The following ITGB7 variants were observed in gnomAD, a reference collection of about 807,000 sequenced individuals.
ITGB7 encodes integrin beta-7.
Under a neutral mutation model 83.4 loss-of-function variants are expected in ITGB7, and 55 were observed. The observed-to-expected ratio is 0.66, with a 90% CI of 0.53 to 0.83. The LOEUF (loss-of-function observed/expected upper bound fraction) is 0.83, where lower values mean the gene tolerates loss of function less well. Ranked by LOEUF, ITGB7 falls within the 40% of genes least tolerant of loss-of-function variation. The pLI is 0.00. For missense variants in ITGB7, 921 were observed against 1,046.7 expected, an observed-to-expected ratio of 0.88 and a Z score of 1.66; for synonymous variants, 454 against 423.6, an observed-to-expected ratio of 1.07 and a Z score of -0.88.
At position 53,192,340 on chromosome 12, in the gene ITGB7, T is replaced by A. The variant is rs954588399; in HGVS notation, c.2145A>T (p.Arg715Ser). The change falls in exon 14 of 16, where the codon AGA (arginine) becomes AGT (serine). Residue 715 changes from arginine to serine, a missense_variant. Transcript: ENST00000267082. ...TCCCTGCCCACTTACTTTCTTGGGG[T>A]CTCACTCTGAGCACGACCGTGCCTC... is the stretch of plus-strand genomic sequence containing the variant. ...DARGTVVLRV[R>S]PQEKGADHTQ... The A allele has an allele frequency of 3.7e-6, 6 of 1,613,642 alleles. No homozygotes were observed. The African/African-American group carries it at 5.3e-5, about 14-fold the overall frequency.
intron 1 of ITGB7, among the ~76,000 whole-genome samples, chr12:53,203,746 A>G (rs1357651563): frequency 6.6e-6 from 1 of 152,134 alleles, no homozygotes; most frequent in Non-Finnish European, 1.5e-5. Flanking sequence ...ATGACTATCA[A>G]AAAATGAAAA....
At chr12:53,198,550 G>T (rs1942244351) in intron 3 of ITGB7, among the ~76,000 whole-genome samples, 1 of 151,872 alleles carries the variant, frequency 6.6e-6, no homozygotes, top group Non-Finnish European at 1.5e-5. Context: ...ACCGCCACCG[G>T]TGGAACTCTG....
intron 11 of ITGB7, 93 bp downstream of exon 11, chr12:53,193,615 C>T (rs1398479339): frequency 2.6e-6 from 3 of 1,150,850 alleles, no homozygotes; most frequent in East Asian, 2.5e-5. Flanking sequence ...CGAGGAGACT[C>T]CTGTGGGGGG....
intron 1 of ITGB7, among the ~76,000 whole-genome samples, chr12:53,202,668 A>G (rs919593342): frequency 2.0e-5 from 3 of 151,748 alleles, no homozygotes; most frequent in African/African-American, 7.3e-5. Context: ...CTGAAACTCC[A>G]TCTTTAAAAA....
rs576592437 is a variant in ITGB7, at chr12:53,205,989, C to T, written c.-127+1213G>A. 8.5e-5 allele frequency among the ~76,000 whole-genome samples: 13 copies of T among 152,280 alleles called. No homozygotes were observed. In the South Asian group the frequency reaches 2.1e-3, roughly 24 times the overall value. On this transcript the variant is annotated intron_variant, in intron 1 of 15. Coordinates refer to ENST00000267082, the MANE Select transcript of ITGB7 (RefSeq NM_000889.3). Reference sequence around the variant, plus strand: ...GGCTGGAGATGCTGCAACCCAAAGCCGGGTTTTGACTCATCTCTCACAAGT... The same window carrying T: ...GGCTGGAGATGCTGCAACCCAAAGCTGGGTTTTGACTCATCTCTCACAAGT...
intron 1 of ITGB7, among the ~76,000 whole-genome samples, chr12:53,204,697 G>A (rs1449780755): frequency 6.6e-6 from 1 of 152,124 alleles, no homozygotes; most frequent in Non-Finnish European, 1.5e-5. Context: ...ATAAATGTTT[G>A]TGTATCTTAC....
intron 5 of ITGB7, 155 bp downstream of exon 5, chr12:53,197,338 A>T: frequency 1.3e-6 from 1 of 795,088 alleles, no homozygotes; most frequent in Non-Finnish European, 2.2e-6. Flanking sequence ...ATGGGTGTCT[A>T]GGGAGAGATG....
At position 53,193,152 on chromosome 12, in the gene ITGB7, T is replaced by C; in HGVS notation, c.1714A>G (p.Ile572Val). Reference protein sequence around the residue: ...DDASCERHEGILCGGFGRCQC... With the variant: ...DDASCERHEGVLCGGFGRCQC... ...AGGCTCCAGGTACCTCCGCAGAGGA[T>C]GCCCTCATGTCGCTCACAGCTGGCA... The change falls in exon 12 of 16, where the codon ATC (isoleucine) becomes GTC (valine). Residue 572 changes from isoleucine to valine, a missense_variant. Physicochemically the swap from Ile to Val is conservative, Grantham distance 29 (BLOSUM62 3). Coordinates refer to ENST00000267082, the MANE Select transcript of ITGB7 (RefSeq NM_000889.3). 1 of 1,610,220 alleles carries C rather than the reference T, an allele frequency of 6.2e-7. No homozygotes were observed. Among genetic ancestry groups the C allele is most frequent in the East Asian group, 2.2e-5 (1 of 44,750 alleles).
chr12:53,200,492 T>C (rs2120503303), intron 2 of ITGB7, 46 bp from the exon 3 acceptor site: 4 of 1,504,954 alleles, frequency 2.7e-6, no homozygotes, highest in Non-Finnish European at 3.7e-6. Context: ...CAGGGAGGAC[T>C]CTCAAACTCT....
chr12:53,203,794 C>A (rs1170770942), intron 1 of ITGB7, among the ~76,000 whole-genome samples: 1 of 151,888 alleles, frequency 6.6e-6, no homozygotes, highest in African/African-American at 2.4e-5. Flanking sequence ...AAATTGGGAT[C>A]TTTATACATT....
At chr12:53,205,993 T>A (rs1404000152) in intron 1 of ITGB7, among the ~76,000 whole-genome samples, 7 of 152,024 alleles carry the variant, frequency 4.6e-5, no homozygotes, top group Admixed American at 3.9e-4. Context: ...CAAAGCCGGG[T>A]TTTGACTCAT....
chr12:53,196,772 A>G lies in ITGB7; in HGVS notation c.623T>C (p.Val208Ala). 1.9e-6 allele frequency: 3 copies of G among 1,612,156 alleles called. No individual in the cohort carries two copies. The South Asian group carries it at 3.3e-5, about 18-fold the overall frequency. ...GCAGGGGTGGCGCAGTTTGGAGGGT[A>G]CTGTGCTCACAAAGGGCAGCACCGT... is the stretch of plus-strand genomic sequence containing the variant. ...DKTVLPFVST[V>A]PSKLRHPCPT... Residue 208 changes from valine to alanine, a missense_variant, in exon 6 of 16, where the codon GTA (valine) becomes GCA (alanine). Physicochemically the swap from Val to Ala is moderately conservative, Grantham distance 64. Coordinates refer to ENST00000267082, the MANE Select transcript of ITGB7 (RefSeq NM_000889.3).
chr12:53,195,077 T>TAGCA, intron 9 of ITGB7: 1 of 360,316 alleles, frequency 2.8e-6, no homozygotes. Flanking sequence ...TTAAATGAAG[T>TAGCA]AGCAAACAGT....
chr12:53,196,687 C>T lies in ITGB7; in HGVS notation c.708G>A (p.Thr236=), dbSNP rs138728553. The T allele has an allele frequency of 9.9e-6, 16 of 1,611,988 alleles. No homozygotes were observed. The highest frequency in any genetic ancestry group is 1.7e-4 in the Middle Eastern group (1 of 6,060). The stretch of plus-strand genomic sequence containing the variant: ...CCCGCTCGAAGGCTTGTGCGTCCCC[C>T]GTCAGGGACAGCACATGGTGAAAGC... ...PFSFHHVLSL[T]GDAQAFEREV... Residue 236 remains threonine (T), a synonymous_variant, in exon 6 of 16, where the codon ACG becomes ACA. Coordinates refer to ENST00000267082, the MANE Select transcript of ITGB7 (RefSeq NM_000889.3).
At chr12:53,206,029 C>T (rs879028413) in intron 1 of ITGB7, among the ~76,000 whole-genome samples, 5 of 152,186 alleles carry the variant, frequency 3.3e-5, no homozygotes, top group East Asian at 1.9e-4. Flanking sequence ...CCCCGGCTGC[C>T]GCATAGGTTT....
In ITGB7 at chr12:53,192,517, G is replaced by A. The variant is rs112684199; in HGVS notation, c.1968C>T (p.Ala656=). The A allele has an allele frequency of 8.4e-4, 1,354 of 1,614,064 alleles. 13 individuals carry two copies. The African/African-American group carries it at 0.017, about 20-fold the overall frequency. Residue 656 remains alanine (A), a synonymous_variant, in exon 14 of 16, where the codon GCC becomes GCT. Coordinates refer to ENST00000267082, the MANE Select transcript of ITGB7 (RefSeq NM_000889.3). ...ERHRDCAECG[A]FRTGPLATNC... is the part of the protein sequence containing the mutation. ...TGGTGGCCAGTGGGCCAGTCCTGAA[G>A]GCCCCACACTCTGCACAGTCCCTGT...
At chr12:53,198,405 T>G (rs924545209) in intron 3 of ITGB7, among the ~76,000 whole-genome samples, 1 of 151,014 alleles carries the variant, frequency 6.6e-6, no homozygotes, top group African/African-American at 2.4e-5. Context: ...ATTACAGACG[T>G]GAACCACCAC....
Position 53,194,290 on chromosome 12 carries a change from TGTGGA to T in ITGB7, c.1211_1215del (p.Val404AspfsTer8). On this transcript the variant is annotated frameshift_variant, in exon 10 of 16. Transcript: ENST00000267082. LOFTEE classifies it high-confidence loss of function. ...CCCTCACACTGGGATTCGTAAGAAA[TGTGGA>T]CCCCAGGAGGGAGTGAAGAGTGTTC... 6.2e-7 allele frequency: 1 copy of T among 1,613,892 alleles called. No homozygotes were observed. The highest frequency in any genetic ancestry group is 8.5e-7 in the Non-Finnish European group (1 of 1,179,942).
In ITGB7 at chr12:53,193,187, T is replaced by C; in HGVS notation, c.1679A>G (p.Glu560Gly). The C allele has an allele frequency of 6.2e-7, 1 of 1,614,062 alleles. No homozygotes were observed. Among genetic ancestry groups the C allele is most frequent in the Non-Finnish European group, 8.5e-7 (1 of 1,179,980 alleles). The change falls in exon 12 of 16, where the codon GAG (glutamate) becomes GGG (glycine). Residue 560 changes from glutamate to glycine, a missense_variant. Glu to Gly is a moderately conservative substitution (Grantham distance 98). Transcript: ENST00000267082. ...TCGCTCACAGCTGGCATCGTCACAC[T>C]CGCACAGATGCCCAGAGCTCTGTCC... ...CSGQSSGHLCECDDASCERHE... is the reference protein window; with the variant it reads ...CSGQSSGHLCGCDDASCERHE...
Sources: allele counts gnomAD v4.1 joint callset (sites outside exome capture counted in the v4.1 genomes callset), GRCh38; gene constraint gnomAD v4.1.1; transcripts MANE v1.5; gene names NCBI Gene and HGNC (gene_info 2026-07-23, HGNC 2026-07-21).